The following DOCK2 variants were observed in gnomAD, a reference collection of about 807,000 sequenced individuals.
DOCK2 encodes the protein dedicator of cytokinesis protein 2.
A neutral mutation model predicts 248.9 loss-of-function variants in DOCK2; 87 were observed. The ratio of observed to expected loss-of-function variants is 0.35; its 90% confidence interval spans 0.29 to 0.42. DOCK2 has a LOEUF of 0.42. Ranked by LOEUF, DOCK2 falls within the 10% of genes least tolerant of loss-of-function variation. DOCK2 has a pLI of 1.00. For synonymous variants in DOCK2, 805 were observed against 821.6 expected (o/e 0.98, Z 0.35); for missense variants, 1,747 against 2,300.2 (o/e 0.76, Z 4.92).
intron 27 of DOCK2, among the ~76,000 whole-genome samples, chr5:169,931,236 A>G (rs1775734895): frequency 6.6e-6 from 1 of 152,210 alleles, no homozygotes; most frequent in Admixed American, 6.5e-5. Context: ...GTGCATCCCA[A>G]AGACGACCAG....
At chr5:169,970,047 A>T (rs903947720) in intron 27 of DOCK2, among the ~76,000 whole-genome samples, 2 of 152,240 alleles carry the variant, frequency 1.3e-5, no homozygotes, top group African/African-American at 4.8e-5. Context: ...CTCTGGCTAC[A>T]GTGATGTAAG....
intron 25 of DOCK2, among the ~76,000 whole-genome samples, chr5:169,770,772 T>A (rs1035699796): frequency 1.3e-5 from 2 of 152,250 alleles, no homozygotes; most frequent in African/African-American, 4.8e-5. Flanking sequence ...ATCATCCATA[T>A]TACTGATTGC....
At chr5:169,925,199 G>T (rs1775370450) in intron 27 of DOCK2, among the ~76,000 whole-genome samples, 1 of 152,200 alleles carries the variant, frequency 6.6e-6, no homozygotes, top group Admixed American at 6.5e-5. Flanking sequence ...CTGAGGACTA[G>T]TTCAGTCAGG....
intron 27 of DOCK2, among the ~76,000 whole-genome samples, chr5:169,880,454 G>A (rs908600773): frequency 2.6e-5 from 4 of 152,216 alleles, no homozygotes; most frequent in Admixed American, 6.5e-5. Flanking sequence ...TCAACAAAAA[G>A]AGAAGTGTAA....
rs774044357 is a variant in DOCK2, at chr5:169,718,651, A to G, written c.2133-6A>G. ...ATGTATTTTGAAAATATTATCCCTT[A>G]TTCAGGAAATTGATGACAGTGCTGA... On this transcript the variant is annotated splice_region_variant and splice_polypyrimidine_tract_variant and intron_variant, in intron 21 of 51. Transcript: ENST00000520908. 1.9e-6 allele frequency: 3 copies of G among 1,610,224 alleles called. No individual in the cohort carries two copies. Among genetic ancestry groups the G allele is most frequent in the South Asian group, 2.2e-5 (2 of 90,448 alleles).
chr5:170,077,347 T>A (rs1757869902), intron 47 of DOCK2, among the ~76,000 whole-genome samples: 1 of 152,184 alleles, frequency 6.6e-6, no homozygotes, highest in South Asian at 2.1e-4. Context: ...TGATACCACA[T>A]GGCTTAAAGC....
intron 25 of DOCK2, among the ~76,000 whole-genome samples, chr5:169,777,013 T>C (rs1305863248): frequency 6.6e-6 from 1 of 152,264 alleles, no homozygotes; most frequent in African/African-American, 2.4e-5. Flanking sequence ...CATTGTATGC[T>C]AGAAAAACTT....
intron 23 of DOCK2, among the ~76,000 whole-genome samples, chr5:169,748,077 G>C (rs1010086567): frequency 1.3e-5 from 2 of 152,222 alleles, no homozygotes; most frequent in Non-Finnish European, 2.9e-5. Context: ...GGGGGTGCGG[G>C]TGGGGGAAGC....
chr5:169,831,415 C>A (rs972257157), intron 26 of DOCK2, among the ~76,000 whole-genome samples: 1 of 152,176 alleles, frequency 6.6e-6, no homozygotes, highest in African/African-American at 2.4e-5. Context: ...ATGCAATATG[C>A]TACAAGCAGC....
At chr5:169,832,012 C>T (rs897938473) in intron 26 of DOCK2, among the ~76,000 whole-genome samples, 5 of 152,130 alleles carry the variant, frequency 3.3e-5, no homozygotes, top group East Asian at 1.9e-4. Flanking sequence ...GTTGTGCCAT[C>T]GACACCACAC....
chr5:169,742,415 G>A (rs576622070), intron 22 of DOCK2, among the ~76,000 whole-genome samples: 70 of 152,268 alleles, frequency 4.6e-4, no homozygotes, highest in African/African-American at 1.6e-3. Context: ...CTTAGCCAAG[G>A]TCACCCAACT....
chr5:169,671,129 A>G lies in DOCK2; in HGVS notation c.276A>G (p.Thr92=), dbSNP rs1417256606. ...PAEIPLAQEV[T]TTLWEWGSIW... ...AAATTCCTCTGGCACAAGAAGTGACAACGACACTTTGGGAATGGGGAAGCA... is the reference window on the plus strand; with the variant it reads ...AAATTCCTCTGGCACAAGAAGTGACGACGACACTTTGGGAATGGGGAAGCA... Residue 92 remains threonine, a synonymous_variant, in exon 5 of 52, where the codon ACA becomes ACG. Coordinates refer to ENST00000520908, the MANE Select transcript of DOCK2 (RefSeq NM_004946.3). 6.2e-7 allele frequency: 1 copy of G among 1,614,124 alleles called. No homozygotes were observed. Among genetic ancestry groups the G allele is most frequent in the Admixed American group, 1.7e-5 (1 of 60,014 alleles).
chr5:169,947,328 C>T (rs1298685919), intron 27 of DOCK2, among the ~76,000 whole-genome samples: 1 of 152,202 alleles, frequency 6.6e-6, no homozygotes, highest in Non-Finnish European at 1.5e-5. Context: ...AGAACATTTT[C>T]CAAGGGGAAT....
At chr5:169,928,824 C>T (rs193169453) in intron 27 of DOCK2, among the ~76,000 whole-genome samples, 9 of 152,308 alleles carry the variant, frequency 5.9e-5, no homozygotes, top group African/African-American at 2.2e-4. Context: ...AAATACTACA[C>T]AAGTAATTAC....
intron 38 of DOCK2, 32 bp from the exon 39 acceptor site, chr5:170,045,783 CA>C (rs1756686816): frequency 6.2e-7 from 1 of 1,607,780 alleles, no homozygotes; most frequent in African/African-American, 1.3e-5. Flanking sequence ...CCGGTGGTGC[CA>C]CCTCACCTTT....
intron 15 of DOCK2, among the ~76,000 whole-genome samples, chr5:169,711,383 G>A (rs554753815): frequency 1.3e-5 from 2 of 152,296 alleles, no homozygotes; most frequent in South Asian, 4.1e-4. Flanking sequence ...GTGGGTTGTT[G>A]TCTTAGCTCA....
intron 26 of DOCK2, among the ~76,000 whole-genome samples, chr5:169,819,779 C>G (rs1768305259): frequency 6.6e-6 from 1 of 152,174 alleles, no homozygotes; most frequent in Non-Finnish European, 1.5e-5. Context: ...GAGTGCAGGA[C>G]AGTGGGGGCA....
At chr5:169,654,302 T>A (rs1373033312) in intron 1 of DOCK2, 101 bp from the exon 2 acceptor site, 1 of 1,318,444 alleles carries the variant, frequency 7.6e-7, no homozygotes, top group African/African-American at 1.5e-5. Flanking sequence ...CCAGGTGGGC[T>A]GCGTGGGCAT....
intron 1 of DOCK2, among the ~76,000 whole-genome samples, chr5:169,650,751 T>C (rs1464854784): frequency 6.6e-6 from 1 of 152,172 alleles, no homozygotes; most frequent in South Asian, 2.1e-4. Context: ...TGGCCATAAA[T>C]GCTTTGTTCT....
Sources: allele counts gnomAD v4.1 joint callset (sites outside exome capture counted in the v4.1 genomes callset), GRCh38; gene constraint gnomAD v4.1.1; transcripts MANE v1.5; gene names NCBI Gene and HGNC (gene_info 2026-07-23, HGNC 2026-07-21).